SULF1: variants seen among roughly 807,000 people sequenced by gnomAD.
SULF1 encodes sulfatase 1.
In SULF1, 46 loss-of-function variants were observed where a neutral mutation model predicts 110.5. The observed-to-expected ratio is 0.42, with a 90% CI of 0.33 to 0.53. The LOEUF (loss-of-function observed/expected upper bound fraction) is 0.53, where lower values mean the gene tolerates loss of function less well. SULF1 is among the 20% of genes least tolerant of loss of function. The pLI, the probability that SULF1 is intolerant of heterozygous loss-of-function variation, is 0.12. For synonymous variants in SULF1, 371 were observed against 387.1 expected (o/e 0.96, Z 0.49); for missense variants, 941 against 1,094.2 (o/e 0.86, Z 1.98).
At chr8:69,544,046 T>A (rs1431122118) in intron 3 of SULF1, among the ~76,000 whole-genome samples, 2 of 152,242 alleles carry the variant, frequency 1.3e-5, no homozygotes, top group East Asian at 3.8e-4. Flanking sequence ...ATGGTAGTTA[T>A]GCATAAATCA....
intron 2 of SULF1, among the ~76,000 whole-genome samples, chr8:69,500,535 A>G (rs747647171): frequency 2.6e-5 from 4 of 152,246 alleles, no homozygotes; most frequent in African/African-American, 4.8e-5. Context: ...CATCACATTC[A>G]GATGTAAACT....
chr8:69,482,373 A>C (rs1717988200), intron 1 of SULF1, among the ~76,000 whole-genome samples: 1 of 152,212 alleles, frequency 6.6e-6, no homozygotes, highest in South Asian at 2.1e-4. Context: ...GCCTTTAAAC[A>C]TTTCATTTGG....
At chr8:69,620,969 C>A in intron 13 of SULF1, 66 bp from the exon 14 acceptor site, 1 of 1,352,916 alleles carries the variant, frequency 7.4e-7, no homozygotes, top group Non-Finnish European at 1.0e-6. Flanking sequence ...AAAACTAAGG[C>A]AGCAGCTCTT....
intron 22 of SULF1, among the ~76,000 whole-genome samples, chr8:69,646,667 T>C (rs928582057): frequency 6.6e-6 from 1 of 152,150 alleles, no homozygotes; most frequent in Non-Finnish European, 1.5e-5. Flanking sequence ...ACACAGCTGA[T>C]AAATGGTGAA....
chr8:69,604,925 C>T lies in SULF1; in HGVS notation c.1370C>T (p.Pro457Leu), dbSNP rs769376901. Residue 457 changes from proline (P) to leucine (L), a missense_variant, in exon 13 of 23, where the codon CCG becomes CTG. This residue lies in a region of SULF1 where 822 missense variants were observed against 934.3 expected (regional missense o/e 0.88). Coordinates refer to ENST00000402687, the MANE Select transcript of SULF1 (RefSeq NM_001128205.2). The stretch of plus-strand genomic sequence containing the variant: ...AGGTACCAGACAGCCTGTGAACAAC[C>T]GGGGCAGGTGAGTGACGCAGGCTTT... ...QARYQTACEQPGQKWQCIEDT... is the reference protein window; with the variant it reads ...QARYQTACEQLGQKWQCIEDT... The T allele has an allele frequency of 2.9e-5, 47 of 1,613,996 alleles. No individual in the cohort carries two copies. The highest frequency in any genetic ancestry group is 1.8e-4 in the South Asian group (16 of 91,090).
chr8:69,612,260 A>T (rs373662679), intron 13 of SULF1, among the ~76,000 whole-genome samples: 10 of 152,250 alleles, frequency 6.6e-5, no homozygotes, highest in African/African-American at 2.4e-4. Context: ...GTTGATGGGC[A>T]TTTAGGCTGG....
intron 2 of SULF1, among the ~76,000 whole-genome samples, chr8:69,499,848 C>G (rs1810664912): frequency 6.6e-6 from 1 of 152,162 alleles, no homozygotes. Context: ...CACCTGGGCT[C>G]AAGTAATCCT....
At chr8:69,513,015 G>A (rs923496852) in intron 3 of SULF1, among the ~76,000 whole-genome samples, 1 of 151,974 alleles carries the variant, frequency 6.6e-6, no homozygotes, top group Non-Finnish European at 1.5e-5. Context: ...GTACCCTACT[G>A]TCATTTATAT....
chr8:69,559,748 C>G (rs1815346792), intron 3 of SULF1, among the ~76,000 whole-genome samples: 1 of 152,124 alleles, frequency 6.6e-6, no homozygotes, highest in African/African-American at 2.4e-5. Context: ...ATCATACTCC[C>G]CCAGCCACCA....
At chr8:69,474,434 T>C (rs1240434902) in intron 1 of SULF1, among the ~76,000 whole-genome samples, 1 of 152,226 alleles carries the variant, frequency 6.6e-6, no homozygotes, top group African/African-American at 2.4e-5. Flanking sequence ...TTCTCCTGAA[T>C]AGAATGTCCC....
At chr8:69,478,599 A>C (rs1809396709) in intron 1 of SULF1, among the ~76,000 whole-genome samples, 1 of 152,100 alleles carries the variant, frequency 6.6e-6, no homozygotes, top group Admixed American at 6.5e-5. Flanking sequence ...GAAAAGAAAG[A>C]CTCAAGCCTC....
At chr8:69,625,449 G>A (rs1013434250) in intron 15 of SULF1, among the ~76,000 whole-genome samples, 25 of 152,176 alleles carry the variant, frequency 1.6e-4, no homozygotes, top group African/African-American at 6.0e-4. Context: ...GCGGACCCTC[G>A]TGGTGAGTGT....
At position 69,616,230 on chromosome 8, in the gene SULF1, A is replaced by ATTTT. The variant is rs1197822345; in HGVS notation, c.1378-4801_1378-4798dup. Among the ~76,000 whole-genome samples the ATTTT allele has an allele frequency of 2.5e-3, 356 of 139,988 alleles. 3 individuals carry two copies. The highest frequency in any genetic ancestry group is 9.0e-3 in the African/African-American group (333 of 37,084). 91.8% of individuals were successfully genotyped at this position (139,988 alleles called of 152,430 possible). A position where few individuals can be genotyped will look rare whatever the true frequency, so the allele number is the denominator to read the frequency against. On this transcript the variant is annotated intron_variant, in intron 13 of 22. Coordinates refer to ENST00000402687, the MANE Select transcript of SULF1 (RefSeq NM_001128205.2). ...TGTGTGTATATATATATATATATATATTTTTTTGAGACGGAGTCTTGCTCT... is the reference window on the plus strand; with the variant it reads ...TGTGTGTATATATATATATATATATATTTTTTTTTTTGAGACGGAGTCTTGCTCT...
At chr8:69,548,994 C>A (rs1448205651) in intron 3 of SULF1, among the ~76,000 whole-genome samples, 5 of 152,176 alleles carry the variant, frequency 3.3e-5, no homozygotes, top group Non-Finnish European at 7.3e-5. Flanking sequence ...CCCAGGAGAG[C>A]GGAACTTATA....
chr8:69,581,645 T>G (rs1015246954), intron 6 of SULF1, among the ~76,000 whole-genome samples: 4 of 152,182 alleles, frequency 2.6e-5, no homozygotes, highest in African/African-American at 9.7e-5. Flanking sequence ...ATACGTAACC[T>G]ACATGTAGAC....
At chr8:69,611,100 A>G (rs570986885) in intron 13 of SULF1, among the ~76,000 whole-genome samples, 2 of 152,352 alleles carry the variant, frequency 1.3e-5, no homozygotes, top group Admixed American at 6.5e-5. Flanking sequence ...GCATTTGCCT[A>G]TGTGCAAGTT....
At chr8:69,598,207 G>T (rs1426037870) in intron 8 of SULF1, among the ~76,000 whole-genome samples, 1 of 152,078 alleles carries the variant, frequency 6.6e-6, no homozygotes, top group African/African-American at 2.4e-5. Flanking sequence ...AGGATGACAG[G>T]TCATACCTGA....
chr8:69,559,525 G>A (rs1253073613), intron 3 of SULF1, among the ~76,000 whole-genome samples: 1 of 152,168 alleles, frequency 6.6e-6, no homozygotes, highest in Non-Finnish European at 1.5e-5. Context: ...TAACTTGAAA[G>A]GTAGATTTCT....
At chr8:69,468,950 G>A (rs2583084) in intron 1 of SULF1, among the ~76,000 whole-genome samples, 52,232 of 152,052 alleles carry the variant, frequency 0.34, 9,990 homozygotes, top group African/African-American at 0.52. Flanking sequence ...GACTTTGACA[G>A]TATGGGACAA....
Sources: gnomAD v4.1 joint callset for allele counts (sites outside exome capture counted in the v4.1 genomes callset) on GRCh38, gnomAD v4.1.1 for gene constraint, gnomAD v4.1.1 regional missense constraint, MANE v1.5 for transcripts, NCBI Gene and HGNC (gene_info 2026-07-23, HGNC 2026-07-21) for gene names.